The following PDE3B variants were observed in gnomAD, a reference collection of about 807,000 sequenced individuals.
The protein encoded by PDE3B is cGMP-inhibited 3',5'-cyclic phosphodiesterase 3B.
A neutral mutation model predicts 116.8 loss-of-function variants in PDE3B; 66 were observed. That is an observed-to-expected ratio of 0.56 (90% confidence interval 0.46 to 0.69). The LOEUF (loss-of-function observed/expected upper bound fraction) is 0.69. Ranked by LOEUF, PDE3B falls within the 30% of genes least tolerant of loss-of-function variation. The pLI, the probability that PDE3B is intolerant of heterozygous loss-of-function variation, is 0.00. For missense variants in PDE3B, 1,384 were observed against 1,368.1 expected, an observed-to-expected ratio of 1.01 and a Z score of -0.18; for synonymous variants, 595 against 533.6, an observed-to-expected ratio of 1.12 and a Z score of -1.59.
At chr11:14,796,692 T>G (rs1321980883) in intron 4 of PDE3B, among the ~76,000 whole-genome samples, 1 of 152,232 alleles carries the variant, frequency 6.6e-6, no homozygotes, top group Admixed American at 6.5e-5. Context: ...GTTCATATCT[T>G]TTGCCCACTT....
chr11:14,878,248 CAAG>C, the PDE3B span: 3 of 1,613,108 alleles, frequency 1.9e-6, no homozygotes, highest in Non-Finnish European at 2.5e-6. Flanking sequence ...CTGTAAAAAA[CAAG>C]AACATTTCCA....
intron 1 of PDE3B, among the ~76,000 whole-genome samples, chr11:14,674,854 T>G (rs1854484150): frequency 6.6e-6 from 1 of 152,184 alleles, no homozygotes; most frequent in South Asian, 2.1e-4. Context: ...AATGAAGTTA[T>G]GTTCAAATGA....
chr11:14,688,745 A>G (rs1249683607), intron 1 of PDE3B, among the ~76,000 whole-genome samples: 3 of 152,078 alleles, frequency 2.0e-5, no homozygotes, highest in Non-Finnish European at 4.4e-5. Flanking sequence ...TATGTGGCTC[A>G]TCAGCCACAT....
intron 4 of PDE3B, among the ~76,000 whole-genome samples, chr11:14,793,363 G>A (rs912461108): frequency 5.3e-5 from 8 of 152,098 alleles, no homozygotes; most frequent in African/African-American, 9.7e-5. Context: ...TAGCCTGAAC[G>A]TGATTTTATA....
At position 14,644,093 on chromosome 11, in the gene PDE3B, A is replaced by G; in HGVS notation, c.18A>G (p.Arg6=). MRRDE[R]DAKAMRSLQP... ...CCCCAGCCATGAGGAGGGACGAGCGAGACGCCAAAGCCATGCGGTCCCTGC... is the reference window on the plus strand; with the variant it reads ...CCCCAGCCATGAGGAGGGACGAGCGGGACGCCAAAGCCATGCGGTCCCTGC... The change falls in exon 1 of 16, where the codon CGA becomes CGG. Residue 6 remains arginine (R), a synonymous_variant. Transcript: ENST00000282096. The G allele has an allele frequency of 6.4e-7, 1 of 1,557,064 alleles. No individual in the cohort carries two copies. The highest frequency in any genetic ancestry group is 8.6e-7 in the Non-Finnish European group (1 of 1,161,946).
At chr11:14,854,869 A>T (rs1167089436) in intron 12 of PDE3B, among the ~76,000 whole-genome samples, 2 of 151,372 alleles carry the variant, frequency 1.3e-5, no homozygotes, top group Non-Finnish European at 2.9e-5. Context: ...CCATGGCATT[A>T]ATCAGAAGCT....
chr11:14,849,282 A>G (rs1847685894), intron 12 of PDE3B, among the ~76,000 whole-genome samples: 1 of 151,718 alleles, frequency 6.6e-6, no homozygotes, highest in South Asian at 2.1e-4. Context: ...CTGGCTAGCC[A>G]TATGTAGAAA....
the PDE3B span, chr11:14,878,320 A>G: frequency 6.2e-7 from 1 of 1,610,478 alleles, no homozygotes. Context: ...AGCAGATACA[A>G]TAATTTTTTA....
the PDE3B span, among the ~76,000 whole-genome samples, chr11:14,896,710 C>T: frequency 6.6e-6 from 1 of 152,270 alleles, no homozygotes. Context: ...TCCCTATCAA[C>T]TGGTCTCATA....
At chr11:14,677,785 A>G (rs977847508) in intron 1 of PDE3B, among the ~76,000 whole-genome samples, 5 of 152,212 alleles carry the variant, frequency 3.3e-5, no homozygotes, top group African/African-American at 1.2e-4. Flanking sequence ...GTGAAATCAC[A>G]CAGCATGTAA....
intron 7 of PDE3B, among the ~76,000 whole-genome samples, chr11:14,823,889 C>A (rs963710197): frequency 2.0e-5 from 3 of 152,194 alleles, no homozygotes; most frequent in African/African-American, 7.2e-5. Context: ...TCCAGGCTAT[C>A]AAGCCAGTAG....
chr11:14,813,319 G>T (rs964652174), intron 5 of PDE3B, among the ~76,000 whole-genome samples: 1 of 152,108 alleles, frequency 6.6e-6, no homozygotes, highest in East Asian at 1.9e-4. Flanking sequence ...GCTTTAGGGG[G>T]TAATCCATTT....
intron 11 of PDE3B, among the ~76,000 whole-genome samples, chr11:14,837,610 C>T (rs1014630210): frequency 3.3e-5 from 5 of 152,198 alleles, no homozygotes; most frequent in Admixed American, 6.5e-5. Flanking sequence ...ATTTTTCTAT[C>T]TCCAGTCTGT....
chr11:14,736,963 T>G lies in PDE3B; in HGVS notation c.979-34974T>G, dbSNP rs115300644. ...CTCATGGTGCATAATTGTGACAGAT[T>G]GACTTTTCAAGTCCACCATGTACTA... On this transcript the variant is annotated intron_variant, in intron 1 of 15. Transcript: ENST00000282096. Among the ~76,000 whole-genome samples the G allele has an allele frequency of 6.0e-3, 921 of 152,300 alleles. 6 individuals carry two copies. Among genetic ancestry groups the G allele is most frequent in the African/African-American group, 0.021 (880 of 41,568 alleles).
intron 5 of PDE3B, among the ~76,000 whole-genome samples, chr11:14,806,858 CAAAAAAAAAAAAAAA>C (rs953411145): frequency 2.8e-4 from 13 of 45,930 alleles, no homozygotes; most frequent in Admixed American, 1.9e-3. Context: ...GACTCCGTCT[CAAAAAAAAAAAAAAA>C]AAAAAAAGAA....
chr11:14,887,608 A>T, the PDE3B span: 1 of 985,394 alleles, frequency 1.0e-6, no homozygotes, highest in Non-Finnish European at 1.2e-6. Flanking sequence ...GTAAACAGGA[A>T]TACACAAAAC....
intron 5 of PDE3B, among the ~76,000 whole-genome samples, chr11:14,817,205 T>C (rs1208351334): frequency 6.6e-6 from 1 of 151,496 alleles, no homozygotes; most frequent in Non-Finnish European, 1.5e-5. Context: ...CCAAACACCA[T>C]ATGTCCTCAC....
At chr11:14,680,131 G>GGGAT (rs1854656711) in intron 1 of PDE3B, among the ~76,000 whole-genome samples, 1 of 152,180 alleles carries the variant, frequency 6.6e-6, no homozygotes, top group African/African-American at 2.4e-5. Flanking sequence ...ACCCCAAAGA[G>GGGAT]GGATGCCCCA....
chr11:14,697,904 C>G (rs1855257837), intron 1 of PDE3B, among the ~76,000 whole-genome samples: 1 of 151,924 alleles, frequency 6.6e-6, no homozygotes, highest in South Asian at 2.1e-4. Flanking sequence ...ATTAAACAAC[C>G]TTACTAAATT....
Sources: allele counts gnomAD v4.1 joint callset (sites outside exome capture counted in the v4.1 genomes callset), GRCh38; gene constraint gnomAD v4.1.1; transcripts MANE v1.5; gene names NCBI Gene and HGNC (gene_info 2026-07-23, HGNC 2026-07-21).